Variants in LRCH3 observed in about 807,000 individuals in gnomAD.
LRCH3 encodes DISP complex protein LRCH3.
LRCH3 carries 68 observed loss-of-function variants against 104.5 expected under a neutral mutation model. The observed-to-expected ratio is 0.65, with a 90% CI of 0.54 to 0.80. LRCH3 has a LOEUF of 0.80. Among genes scored for constraint, LRCH3 ranks in the 30% least tolerant of loss-of-function variants. The pLI is 0.00. For synonymous variants in LRCH3, 344 were observed against 361.3 expected (o/e 0.95, Z 0.54); for missense variants, 951 against 953.9 (o/e 1.00, Z 0.04).
chr3:197,865,767 GTTTT>G (rs11324714), intron 16 of LRCH3, among the ~76,000 whole-genome samples: 1 of 140,234 alleles, frequency 7.1e-6, no homozygotes, highest in East Asian at 2.1e-4. Flanking sequence ...AAACCACTGG[GTTTT>G]TTTTTTTTTT....
At chr3:197,831,083 G>A in intron 7 of LRCH3, 1 of 427,992 alleles carries the variant, frequency 2.3e-6, no homozygotes, top group Non-Finnish European at 4.3e-6. Context: ...ATTGCCTCAT[G>A]GAAATAGTTT....
intron 2 of LRCH3, among the ~76,000 whole-genome samples, chr3:197,816,923 A>G (rs1016948461): frequency 4.6e-5 from 7 of 152,142 alleles, no homozygotes; most frequent in African/African-American, 1.4e-4. Context: ...CAAGAGCCCT[A>G]TAAGATAGGT....
rs186568929 is a variant in LRCH3 at position 197,818,298 on chromosome 3, G to A, written c.534+996G>A. Reference sequence around the variant, plus strand: ...GCTGAGGAAGCTAGCACTCAAATAGGTTAAATAACTTGCCTAAGGTTATAT... The same window carrying A: ...GCTGAGGAAGCTAGCACTCAAATAGATTAAATAACTTGCCTAAGGTTATAT... On this transcript the variant is annotated intron_variant, in intron 3 of 20. Transcript: ENST00000425562. Among the ~76,000 whole-genome samples, 4 of 152,206 alleles carry A rather than the reference G, an allele frequency of 2.6e-5. No homozygotes were observed. In the East Asian group the frequency reaches 7.7e-4, roughly 29 times the overall value.
Position 197,883,212 on chromosome 3 carries a change from G to A in LRCH3, c.2209-329G>A, listed in dbSNP as rs182173848. 1,247 of 1,028,432 alleles carry A rather than the reference G, an allele frequency of 1.2e-3. 2 individuals carry two copies. Among genetic ancestry groups the A allele is most frequent in the Middle Eastern group, 1.9e-3 (4 of 2,068 alleles). The allele number at this position is 1,028,432 out of a possible 1,614,324, so 63.7% of individuals were successfully genotyped here. On this transcript the variant is annotated intron_variant, in intron 20 of 20. Transcript: ENST00000425562. The surrounding 1 kb of genome is among the most constrained non-coding windows in gnomAD (Gnocchi z 4.2). ...CCTGCCTATTTTATAGACCTGTATT[G>A]ACCTTTTATTCATCAGGGATAAAGG...
At position 197,840,189 on chromosome 3, in the gene LRCH3, G is replaced by A. The variant is rs564725633; in HGVS notation, c.1328+792G>A. Among the ~76,000 whole-genome samples the A allele has an allele frequency of 1.3e-3, 202 of 152,158 alleles. 1 individual carries two copies. The highest frequency in any genetic ancestry group is 4.6e-3 in the African/African-American group (192 of 41,532). The stretch of plus-strand genomic sequence containing the variant: ...GCGGTGGCTCATATCTGTAATGCCA[G>A]CACTTTGGGAGGCTGAGGCAGGTGG... On this transcript the variant is annotated intron_variant, in intron 10 of 20. Coordinates refer to ENST00000425562, the MANE Select transcript of LRCH3 (RefSeq NM_001365715.1).
intron 1 of LRCH3, among the ~76,000 whole-genome samples, chr3:197,795,217 TA>T (rs1731053880): frequency 6.6e-6 from 1 of 152,014 alleles, no homozygotes; most frequent in African/African-American, 2.4e-5. Flanking sequence ...GTTAAGAGTA[TA>T]AGGGACATCA....
At chr3:197,828,077 A>G (rs1054515565) in intron 5 of LRCH3, among the ~76,000 whole-genome samples, 6 of 2,384 alleles carry the variant, frequency 2.5e-3, no homozygotes, top group African/African-American at 0.024. Context: ...ACTCCGTCTC[A>G]AAAAAAAAAA....
Position 197,854,007 on chromosome 3 carries a change from T to C in LRCH3, c.1591-385T>C, listed in dbSNP as rs1045189635. On this transcript the variant is annotated intron_variant, in intron 13 of 20. Coordinates refer to ENST00000425562, the MANE Select transcript of LRCH3 (RefSeq NM_001365715.1). The surrounding 1 kb of genome is among the most constrained non-coding windows in gnomAD (Gnocchi z 4.5). ...TTGTAATTGTACTTTTCATTTTGCT[T>C]AAGAAAGAAAATGAAGAGATACTTA... 4.6e-5 allele frequency among the ~76,000 whole-genome samples: 7 copies of C among 152,220 alleles called. No individual in the cohort carries two copies. In the South Asian group the frequency reaches 8.3e-4, roughly 18 times the overall value.
intron 3 of LRCH3, among the ~76,000 whole-genome samples, chr3:197,819,128 A>G (rs538606047): frequency 1.0e-4 from 14 of 140,602 alleles, no homozygotes; most frequent in Admixed American, 5.0e-4. Flanking sequence ...TCCGTCTGGG[A>G]AAAAAAAAAA....
Position 197,871,315 on chromosome 3 carries a change from G to T in LRCH3, c.1993-10G>T. 5 of 1,598,622 alleles carry T rather than the reference G, an allele frequency of 3.1e-6. No homozygotes were observed. Among genetic ancestry groups the T allele is most frequent in the South Asian group, 1.1e-5 (1 of 89,680 alleles). On this transcript the variant is annotated splice_polypyrimidine_tract_variant and intron_variant, in intron 18 of 20. Transcript: ENST00000425562. ...TCAATTAATCTATTACATGTTTTTT[G>T]TTCTTTCAGCATATTGAGTACCGGT...
Position 197,856,322 on chromosome 3 carries a change from C to A in LRCH3, c.1644+1877C>A, listed in dbSNP as rs1740243975. 1.3e-5 allele frequency among the ~76,000 whole-genome samples: 2 copies of A among 152,098 alleles called. No homozygotes were observed. The highest frequency in any genetic ancestry group is 4.2e-4 in the South Asian group (2 of 4,800). ...CCCGGGAAGTATACATAGTGTATTA[C>A]TGTTGTCACGGTAATTTTTTTATCA... On this transcript the variant is annotated intron_variant, in intron 14 of 20. Transcript: ENST00000425562. This position sits in a 1 kb window ranked among gnomAD's most constrained non-coding sequence, Gnocchi z 4.2.
At chr3:197,839,264 A>G (rs1013417197) in intron 9 of LRCH3, 57 bp from the exon 10 acceptor site, 2 of 1,097,922 alleles carry the variant, frequency 1.8e-6, no homozygotes, top group African/African-American at 3.3e-5. Context: ...TGAACTGTGT[A>G]ATCGCAGTGT....
chr3:197,819,901 G>A (rs542691410), intron 3 of LRCH3, among the ~76,000 whole-genome samples: 182 of 152,160 alleles, frequency 1.2e-3, no homozygotes, highest in African/African-American at 4.2e-3. Flanking sequence ...ATAGAGACAA[G>A]GCCTTACCAT....
At chr3:197,830,670 A>T in intron 6 of LRCH3, 100 bp from the exon 7 acceptor site, 1 of 887,594 alleles carries the variant, frequency 1.1e-6, no homozygotes, top group Non-Finnish European at 1.8e-6. Context: ...TAGTTAAGTG[A>T]CTGCCACATT....
chr3:197,847,790 G>A (rs369782104), intron 11 of LRCH3, 82 bp from the exon 12 acceptor site: 3 of 1,355,848 alleles, frequency 2.2e-6, no homozygotes, highest in East Asian at 5.2e-5. Flanking sequence ...TGGGTCAACA[G>A]TAGTTCCCTA....
chr3:197,825,161 T>C (rs1735008094), intron 4 of LRCH3, among the ~76,000 whole-genome samples: 1 of 152,206 alleles, frequency 6.6e-6, no homozygotes, highest in South Asian at 2.1e-4. Context: ...TCTGATGCCA[T>C]TCATTCTTAA....
At chr3:197,847,324 C>A in intron 10 of LRCH3, 85 bp from the exon 11 acceptor site, 3 of 1,251,062 alleles carry the variant, frequency 2.4e-6, no homozygotes, top group African/African-American at 1.5e-5. Flanking sequence ...GCTACATTTA[C>A]AATAAAAATT....
intron 3 of LRCH3, among the ~76,000 whole-genome samples, chr3:197,819,074 C>T (rs569385730): frequency 7.2e-4 from 107 of 148,364 alleles, no homozygotes; most frequent in South Asian, 1.7e-3. Flanking sequence ...TGCAGTGAGC[C>T]GAGATCACAC....
chr3:197,848,226 C>T (rs1330419181), intron 12 of LRCH3: 1 of 532,718 alleles, frequency 1.9e-6, no homozygotes, highest in African/African-American at 1.9e-5. Context: ...GTAAATCTGT[C>T]ATTGGACATG....
Sources: gnomAD v4.1 joint callset for allele counts (sites outside exome capture counted in the v4.1 genomes callset) on GRCh38, gnomAD v4.1.1 for gene constraint, Gnocchi (gnomAD v3.1) non-coding constraint, MANE v1.5 for transcripts, NCBI Gene and HGNC (gene_info 2026-07-23, HGNC 2026-07-21) for gene names.